The following KIAA1755 variants were observed in gnomAD, a reference collection of about 807,000 sequenced individuals.
KIAA1755 encodes the protein uncharacterized protein KIAA1755.
KIAA1755 carries 68 observed loss-of-function variants against 91.7 expected under a neutral mutation model. The observed-to-expected ratio is 0.74, with a 90% confidence interval of 0.61 to 0.91. The LOEUF (loss-of-function observed/expected upper bound fraction) is 0.91. KIAA1755 is among the 40% of genes least tolerant of loss of function. The pLI is 0.00. For synonymous variants in KIAA1755, 610 were observed against 604.6 expected (o/e 1.01, Z -0.13); for missense variants, 1,535 against 1,494.4 (o/e 1.03, Z -0.45).
chr20:38,246,112 G>C lies in KIAA1755; in HGVS notation c.18C>G (p.Leu6=). The C allele has an allele frequency of 1.2e-6, 2 of 1,613,112 alleles. No homozygotes were observed. The highest frequency in any genetic ancestry group is 2.2e-5 in the South Asian group (2 of 91,010). The change falls in exon 2 of 14, where the codon CTC becomes CTG. Residue 6 remains leucine, a synonymous_variant. Transcript: ENST00000279024. MDPPS[L]DTAIQHALAG... The stretch of plus-strand genomic sequence containing the variant: ...CCAGGGCATGCTGGATGGCTGTGTC[G>C]AGGGATGGAGGGTCCTGTGGGGGAC...
intron 4 of KIAA1755, among the ~76,000 whole-genome samples, chr20:38,237,310 T>C (rs2075975534): frequency 1.3e-5 from 2 of 151,830 alleles, no homozygotes; most frequent in African/African-American, 4.8e-5. Flanking sequence ...TAGGATCCAC[T>C]AGCACCATTG....
At position 38,231,338 on chromosome 20, in the gene KIAA1755, G is replaced by C. The variant is rs756821289; in HGVS notation, c.1748-13C>G. ...CTGTCCCGGCCACCTGGAGGACAGAGGGCACACGTGAGCAGTGAGAACTTG... is the reference window on the plus strand; with the variant it reads ...CTGTCCCGGCCACCTGGAGGACAGACGGCACACGTGAGCAGTGAGAACTTG... On this transcript the variant is annotated splice_polypyrimidine_tract_variant and intron_variant, in intron 4 of 13. Transcript: ENST00000279024. 2 of 1,601,472 alleles carry C rather than the reference G, an allele frequency of 1.2e-6. No individual in the cohort carries two copies. Among genetic ancestry groups the C allele is most frequent in the Admixed American group, 3.4e-5 (2 of 58,506 alleles).
In KIAA1755 at chr20:38,239,585, G is replaced by T. The variant is rs566445543; in HGVS notation, c.1690C>A (p.Pro564Thr). The change falls in exon 4 of 14, where the codon CCC (proline) becomes ACC (threonine). Residue 564 changes from proline (P) to threonine (T), a missense_variant. Coordinates refer to ENST00000279024, the MANE Select transcript of KIAA1755 (RefSeq NM_001029864.2). ...TLEEEPPGPEPRIGALGVKVF... is the reference protein window; with the variant it reads ...TLEEEPPGPETRIGALGVKVF... ...TTGACACCTAGAGCCCCAATCCTGG[G>T]CTCAGGCCCTGGGGGCTCCTCCTCC... 2 of 1,611,398 alleles carry T rather than the reference G, an allele frequency of 1.2e-6. No homozygotes were observed. Among genetic ancestry groups the T allele is most frequent in the Non-Finnish European group, 1.7e-6 (2 of 1,179,054 alleles).
intron 1 of KIAA1755, among the ~76,000 whole-genome samples, chr20:38,246,964 G>A (rs991806134): frequency 2.0e-5 from 3 of 152,162 alleles, no homozygotes; most frequent in Non-Finnish European, 2.9e-5. Context: ...GGTGCTCCGC[G>A]CTGTCCCCTG....
chr20:38,213,084 G>A lies in KIAA1755; in HGVS notation c.3561C>T (p.Ser1187=). ...GACTTGTCTGGGGTGAGTCCTCAAG[G>A]GATGTCTGTGAGTCTGTCCCCTCTG... is the stretch of plus-strand genomic sequence containing the variant. ...FSSEGTDSQT[S]LEDSPQTSPL... Residue 1187 remains serine, a synonymous_variant, in exon 14 of 14, where the codon TCC becomes TCT. Transcript: ENST00000279024. The A allele has an allele frequency of 6.3e-7, 1 of 1,579,186 alleles. No homozygotes were observed. The highest frequency in any genetic ancestry group is 1.2e-5 in the South Asian group (1 of 84,810).
intron 10 of KIAA1755, among the ~76,000 whole-genome samples, chr20:38,222,213 G>A (rs1267734447): frequency 2.0e-5 from 3 of 152,274 alleles, no homozygotes; most frequent in Non-Finnish European, 2.9e-5. Context: ...GCCCATCCCA[G>A]GCTCAAGATG....
At chr20:38,222,661 T>A in intron 9 of KIAA1755, 64 bp from the exon 10 acceptor site, 1 of 1,543,506 alleles carries the variant, frequency 6.5e-7, no homozygotes, top group Non-Finnish European at 8.8e-7. Flanking sequence ...CTTCCAAGGC[T>A]CCCCACACCC....
intron 13 of KIAA1755, 61 bp from the exon 14 acceptor site, chr20:38,213,804 GAATT>G (rs2123043949): frequency 1.7e-6 from 2 of 1,200,034 alleles, no homozygotes; most frequent in Admixed American, 5.8e-5. Flanking sequence ...ATGGAGGACT[GAATT>G]AATAAGTGCC....
chr20:38,237,140 A>G lies in KIAA1755; in HGVS notation c.1747+2388T>C, dbSNP rs534903772. Among the ~76,000 whole-genome samples the G allele has an allele frequency of 1.8e-4, 26 of 145,900 alleles. No homozygotes were observed. The South Asian group carries it at 4.6e-3, about 26-fold the overall frequency. On this transcript the variant is annotated intron_variant, in intron 4 of 13. Coordinates refer to ENST00000279024, the MANE Select transcript of KIAA1755 (RefSeq NM_001029864.2). ...CTGAGTAAGCAGAAGCAATTCATAG[A>G]CTTCCTTCCAATTGCTTCTGCTTAC... is the stretch of plus-strand genomic sequence containing the variant.
intron 4 of KIAA1755, among the ~76,000 whole-genome samples, chr20:38,235,156 G>A (rs920944886): frequency 3.3e-5 from 5 of 152,168 alleles, no homozygotes; most frequent in African/African-American, 1.2e-4. Flanking sequence ...TCTATTTATG[G>A]ATATTTAAAA....
At position 38,213,318 on chromosome 20, in the gene KIAA1755, A is replaced by C. The variant is rs768402123; in HGVS notation, c.3327T>G (p.Pro1109=). The C allele has an allele frequency of 4.3e-6, 7 of 1,613,294 alleles. No individual in the cohort carries two copies. The Middle Eastern group carries it at 6.6e-4, about 152-fold the overall frequency. ...TCTGTTCCCCTCTGGGGGGCCCAGGAGGCCAATAGGACTTTGGCAAATGGT... is the reference window on the plus strand; with the variant it reads ...TCTGTTCCCCTCTGGGGGGCCCAGGCGGCCAATAGGACTTTGGCAAATGGT... ...GMDHLPKSYW[P]PGPPRGEQNR... Residue 1109 remains proline, a synonymous_variant, in exon 14 of 14, where the codon CCT becomes CCG. Coordinates refer to ENST00000279024, the MANE Select transcript of KIAA1755 (RefSeq NM_001029864.2).
Position 38,239,660 on chromosome 20 carries a change from C to A in KIAA1755, c.1615G>T (p.Ala539Ser), listed in dbSNP as rs746417318. The change falls in exon 4 of 14, where the codon GCT (alanine) becomes TCT (serine). Residue 539 changes from alanine to serine, a missense_variant. Coordinates refer to ENST00000279024, the MANE Select transcript of KIAA1755 (RefSeq NM_001029864.2). ...TAPSPLTEEK[A>S]ALPEASAGSP... ...CCTGCAGAAGCTTCTGGCAAGGCAG[C>A]CTTTTCCTCAGTCAGTGGGCTGGGG... 159 of 1,607,694 alleles carry A rather than the reference C, an allele frequency of 9.9e-5. No homozygotes were observed. Among genetic ancestry groups the A allele is most frequent in the Non-Finnish European group, 1.3e-4 (153 of 1,177,886 alleles).
intron 5 of KIAA1755, among the ~76,000 whole-genome samples, chr20:38,230,367 A>G (rs1230124998): frequency 1.3e-5 from 2 of 152,194 alleles, no homozygotes; most frequent in Non-Finnish European, 2.9e-5. Context: ...TCCTCAGGGA[A>G]GCCTTCCCTG....
chr20:38,232,031 T>A (rs951788204), intron 4 of KIAA1755, among the ~76,000 whole-genome samples: 12 of 151,962 alleles, frequency 7.9e-5, no homozygotes, highest in African/African-American at 2.9e-4. Flanking sequence ...CCCATCCTCA[T>A]GGGGAGGAAA....
intron 4 of KIAA1755, among the ~76,000 whole-genome samples, chr20:38,238,284 G>T (rs1024100089): frequency 6.6e-5 from 10 of 152,336 alleles, no homozygotes; most frequent in Admixed American, 5.2e-4. Context: ...AAGATGACCA[G>T]GAAAATGACA....
rs1431814652 is a variant in KIAA1755, at chr20:38,260,647, C to T, written c.-147G>A. 1.6e-5 allele frequency: 15 copies of T among 961,392 alleles called. No homozygotes were observed. Among genetic ancestry groups the T allele is most frequent in the Middle Eastern group, 7.2e-4 (2 of 2,792 alleles). 59.6% of individuals were successfully genotyped at this position (961,392 alleles called of 1,614,324 possible). ...GGCAGGCCCGGGGCACCGACCCCGGCGTCATCTCGGAGGAGCGGCCGGGGA... is the reference window on the plus strand; with the variant it reads ...GGCAGGCCCGGGGCACCGACCCCGGTGTCATCTCGGAGGAGCGGCCGGGGA... On this transcript the variant is annotated 5_prime_UTR_variant, in exon 1 of 14. Coordinates refer to ENST00000279024, the MANE Select transcript of KIAA1755 (RefSeq NM_001029864.2).
intron 5 of KIAA1755, 83 bp from the exon 6 acceptor site, chr20:38,228,323 G>C (rs2075798015): frequency 3.8e-6 from 4 of 1,064,374 alleles, no homozygotes; most frequent in Non-Finnish European, 5.2e-6. Context: ...AGGGAACCTG[G>C]CTGCTAGAAA....
chr20:38,225,619 AGAG>A (rs2075741960), intron 8 of KIAA1755, 43 bp downstream of exon 8: 3 of 1,139,694 alleles, frequency 2.6e-6, no homozygotes, highest in Non-Finnish European at 4.0e-6. Context: ...GAAGAGAAGA[AGAG>A]AAGGAGTGGG....
chr20:38,222,447 A>G lies in KIAA1755; in HGVS notation c.2417+2T>C. 6.2e-7 allele frequency: 1 copy of G among 1,612,330 alleles called. No homozygotes were observed. Among genetic ancestry groups the G allele is most frequent in the Non-Finnish European group, 8.5e-7 (1 of 1,179,766 alleles). ...GAAGAGGAAAGGCCTGGACGTCTGT[A>G]CCTGACATCAGGGCTGAAGTCCAGC... On this transcript the variant is annotated splice_donor_variant, in intron 10 of 13. Coordinates refer to ENST00000279024, the MANE Select transcript of KIAA1755 (RefSeq NM_001029864.2). LOFTEE classifies it high-confidence loss of function.
Sources: gnomAD v4.1 joint callset for allele counts (sites outside exome capture counted in the v4.1 genomes callset) on GRCh38, gnomAD v4.1.1 for gene constraint, MANE v1.5 for transcripts, NCBI Gene and HGNC (gene_info 2026-07-23, HGNC 2026-07-21) for gene names.